RGS6: variants seen among roughly 807,000 people sequenced by gnomAD.
RGS6 encodes regulator of G-protein signaling 6.
RGS6 carries 30 observed loss-of-function variants against 78.5 expected under a neutral mutation model. That is an observed-to-expected ratio of 0.38 (90% confidence interval 0.29 to 0.52). RGS6 has a LOEUF of 0.52. Among genes scored for constraint, RGS6 ranks in the 20% least tolerant of loss-of-function variants. The pLI, the probability that RGS6 is intolerant of heterozygous loss-of-function variation, is 0.85. For missense variants in RGS6, 495 were observed against 609.7 expected (o/e 0.81, Z 1.98); for synonymous variants, 206 against 206.0 (o/e 1.00, Z 0.00).
Position 72,277,249 on chromosome 14 carries a change from A to G in RGS6, c.85-74846A>G, listed in dbSNP as rs189429535. 6.1e-4 allele frequency among the ~76,000 whole-genome samples: 93 copies of G among 152,280 alleles called. 1 individual carries two copies. The highest frequency in any genetic ancestry group is 3.3e-4 in the Admixed American group (5 of 15,284). Reference sequence around the variant, plus strand: ...CCTCTTTGTTCCTGGTACTATGCTCATTGATGTTTACTATGAGCCCCTTGC... The same window carrying G: ...CCTCTTTGTTCCTGGTACTATGCTCGTTGATGTTTACTATGAGCCCCTTGC... On this transcript the variant is annotated intron_variant, in intron 2 of 17. Coordinates refer to ENST00000553525, the MANE Select transcript of RGS6 (RefSeq NM_001204424.2).
At chr14:72,070,982 T>G (rs1350581257) in intron 2 of RGS6, among the ~76,000 whole-genome samples, 1 of 152,136 alleles carries the variant, frequency 6.6e-6, no homozygotes, top group Non-Finnish European at 1.5e-5. Flanking sequence ...TTTAAAATAT[T>G]TTATTCATCT....
intron 2 of RGS6, among the ~76,000 whole-genome samples, chr14:72,153,808 GGGCAAAA>G (rs2096729671): frequency 6.6e-6 from 1 of 152,102 alleles, no homozygotes; most frequent in South Asian, 2.1e-4. Flanking sequence ...ACAGAACAAA[GGGCAAAA>G]GGCAGAACTC....
intron 3 of RGS6, among the ~76,000 whole-genome samples, chr14:72,388,271 C>T (rs1239188355): frequency 6.6e-6 from 1 of 152,080 alleles, no homozygotes; most frequent in Non-Finnish European, 1.5e-5. Flanking sequence ...CACATATACA[C>T]ATATATATAC....
intron 2 of RGS6, among the ~76,000 whole-genome samples, chr14:72,096,991 C>G (rs1381382841): frequency 2.0e-5 from 3 of 152,152 alleles, no homozygotes; most frequent in African/African-American, 7.2e-5. Context: ...TGCAGCACGT[C>G]TGTAGTAGGG....
At chr14:72,045,296 A>G (rs1212933128) in intron 2 of RGS6, among the ~76,000 whole-genome samples, 1 of 152,134 alleles carries the variant, frequency 6.6e-6, no homozygotes, top group African/African-American at 2.4e-5. Context: ...CTTGCCTTTT[A>G]GCATGCCTTG....
intron 2 of RGS6, among the ~76,000 whole-genome samples, chr14:72,099,608 A>T (rs540756185): frequency 6.6e-6 from 1 of 152,196 alleles, no homozygotes; most frequent in Admixed American, 6.5e-5. Context: ...GAGGACTTCA[A>T]TGAGCTCTCA....
intron 2 of RGS6, among the ~76,000 whole-genome samples, chr14:72,005,439 C>CTATCTATCTA (rs2084325734): frequency 7.0e-6 from 1 of 143,512 alleles, no homozygotes; most frequent in Non-Finnish European, 1.5e-5. Flanking sequence ...ACCTGCATAT[C>CTATCTATCTA]TCTATCTATC....
At chr14:72,408,716 C>A (rs1178052802) in intron 3 of RGS6, among the ~76,000 whole-genome samples, 3 of 152,190 alleles carry the variant, frequency 2.0e-5, no homozygotes, top group African/African-American at 7.2e-5. Flanking sequence ...ACTATGTTAA[C>A]TGTCACAATC....
chr14:72,369,039 G>GA lies in RGS6; in HGVS notation c.184+16854dup, dbSNP rs1026970957. Among the ~76,000 whole-genome samples the GA allele has an allele frequency of 5.8e-4, 87 of 150,930 alleles. 1 individual carries two copies. The highest frequency in any genetic ancestry group is 6.3e-4 in the South Asian group (3 of 4,776). On this transcript the variant is annotated intron_variant, in intron 3 of 17. Coordinates refer to ENST00000553525, the MANE Select transcript of RGS6 (RefSeq NM_001204424.2). ...AACACTAACGATAGCTGATGAACTA[G>GA]AAAAAAAAATCACACACACACACAA... is the stretch of plus-strand genomic sequence containing the variant.
chr14:72,487,023 C>T (rs184590061), intron 12 of RGS6, among the ~76,000 whole-genome samples: 2 of 152,196 alleles, frequency 1.3e-5, no homozygotes, highest in East Asian at 3.9e-4. Context: ...ATCACCCTCC[C>T]CTCCCACCAA....
intron 2 of RGS6, among the ~76,000 whole-genome samples, chr14:72,174,358 A>G (rs924953217): frequency 3.3e-5 from 5 of 152,148 alleles, no homozygotes; most frequent in African/African-American, 1.2e-4. Context: ...TTGGCCACCC[A>G]AAGTGCTGGG....
intron 2 of RGS6, among the ~76,000 whole-genome samples, chr14:72,149,130 C>T (rs1044083409): frequency 2.0e-5 from 3 of 152,170 alleles, no homozygotes; most frequent in Admixed American, 6.5e-5. Flanking sequence ...GGGGTTGTGG[C>T]TGGAGCACCT....
chr14:72,528,778 C>T (rs997421729), intron 15 of RGS6, among the ~76,000 whole-genome samples: 11 of 152,350 alleles, frequency 7.2e-5, no homozygotes, highest in African/African-American at 2.6e-4. Context: ...GGAATTTACT[C>T]TCAGCAGGGG....
At chr14:72,022,009 A>G (rs2088713649) in intron 2 of RGS6, among the ~76,000 whole-genome samples, 1 of 152,142 alleles carries the variant, frequency 6.6e-6, no homozygotes, top group Non-Finnish European at 1.5e-5. Flanking sequence ...CCCACTTATA[A>G]GAGAGAACAT....
chr14:72,134,138 C>G (rs779315723), intron 2 of RGS6, among the ~76,000 whole-genome samples: 2 of 152,176 alleles, frequency 1.3e-5, no homozygotes, highest in Non-Finnish European at 2.9e-5. Flanking sequence ...TCAACCCCCT[C>G]GAGTTTAACC....
chr14:72,459,379 A>G (rs1413394076), intron 5 of RGS6, among the ~76,000 whole-genome samples: 1 of 152,222 alleles, frequency 6.6e-6, no homozygotes, highest in Non-Finnish European at 1.5e-5. Context: ...GTCTCAGGAT[A>G]AGAATATATT....
intron 2 of RGS6, among the ~76,000 whole-genome samples, chr14:72,178,679 A>G (rs931024989): frequency 6.6e-6 from 1 of 152,206 alleles, no homozygotes; most frequent in Non-Finnish European, 1.5e-5. Context: ...AGCCCTACTC[A>G]AGGCTGGGAG....
Position 72,472,968 on chromosome 14 carries a change from C to G in RGS6, c.618+15C>G. ...ACAGGCCTGTGGTGAGAAAGCGCTA[C>G]TCAATTCTCTAGATTTTTTTTTCTT... On this transcript the variant is annotated intron_variant, in intron 9 of 17. Transcript: ENST00000553525. 6.4e-7 allele frequency: 1 copy of G among 1,558,796 alleles called. No individual in the cohort carries two copies. Among genetic ancestry groups the G allele is most frequent in the Admixed American group, 2.1e-5 (1 of 48,632 alleles).
the RGS6 span, among the ~76,000 whole-genome samples, chr14:72,599,575 A>ATTTTTTTTT: frequency 3.3e-3 from 343 of 103,012 alleles, no homozygotes; most frequent in Non-Finnish European, 4.3e-3. Context: ...CGCCTGGCTA[A>ATTTTTTTTT]TTTTTTTTTT....
Sources: allele counts gnomAD v4.1 joint callset (sites outside exome capture counted in the v4.1 genomes callset), GRCh38; gene constraint gnomAD v4.1.1; transcripts MANE v1.5; gene names NCBI Gene and HGNC (gene_info 2026-07-23, HGNC 2026-07-21).